SEMG1: variants seen among roughly 807,000 people sequenced by gnomAD.
SEMG1 encodes semenogelin-1.
A neutral mutation model predicts 8.8 loss-of-function variants in SEMG1; 6 were observed. The ratio of observed to expected loss-of-function variants is 0.68; its 90% CI spans 0.37 to 1.35. SEMG1 has a LOEUF of 1.35. Among genes scored for constraint, SEMG1 ranks in the 40% most tolerant of loss-of-function variants. The probability of loss-of-function intolerance (pLI) is 0.02; values close to 1 mark genes in which losing one functional copy is unlikely to be tolerated. For missense variants in SEMG1, 580 were observed against 533.6 expected (o/e 1.09, Z -0.86); for synonymous variants, 221 against 190.3 (o/e 1.16, Z -1.33).
In SEMG1 at chr20:45,207,594, T is replaced by A. The variant is rs779761467; in HGVS notation, c.297T>A (p.His99Gln). Residue 99 changes from histidine to glutamine, a missense_variant, in exon 2 of 3, where the codon CAT (histidine) becomes CAA (glutamine). His to Gln is a conservative substitution (Grantham distance 24). Transcript: ENST00000372781. ...ATAAGACGACAAAATCACAACGACATCTAGGTGGAAGTCAACAACTGCTCC... is the reference window on the plus strand; with the variant it reads ...ATAAGACGACAAAATCACAACGACAACTAGGTGGAAGTCAACAACTGCTCC... ...ALHKTTKSQR[H>Q]LGGSQQLLHN... The A allele has an allele frequency of 1.2e-6, 2 of 1,613,486 alleles. No individual in the cohort carries two copies. Among genetic ancestry groups the A allele is most frequent in the Admixed American group, 3.3e-5 (2 of 59,952 alleles).
intron 1 of SEMG1, 81 bp from the exon 2 acceptor site, chr20:45,207,293 G>GTT (rs1983712367): frequency 6.9e-7 from 1 of 1,449,980 alleles, no homozygotes. Context: ...TCAATAATTT[G>GTT]TTGGGGGAAA....
Position 45,207,840 on chromosome 20 carries a change from A to T in SEMG1, c.543A>T (p.Ala181=), listed in dbSNP as rs61730003. The change falls in exon 2 of 3, where the codon GCA becomes GCT. Residue 181 remains alanine (A), a synonymous_variant. Coordinates refer to ENST00000372781, the MANE Select transcript of SEMG1 (RefSeq NM_003007.5). ...LSKEQTSVSG[A]QKGRKQGGSQ... is the part of the protein sequence containing the mutation. ...AAGAACAAACTTCCGTCTCTGGTGC[A>T]CAAAAAGGTAGAAAACAAGGCGGAT... 4.7e-4 allele frequency: 763 copies of T among 1,613,880 alleles called. 6 individuals are homozygous for T. The African/African-American group carries it at 9.2e-3, about 20-fold the overall frequency.
In SEMG1 at chr20:45,207,911, A is replaced by C; in HGVS notation, c.614A>C (p.Lys205Thr). 6.2e-7 allele frequency: 1 copy of C among 1,614,130 alleles called. No homozygotes were observed. The highest frequency in any genetic ancestry group is 8.5e-7 in the Non-Finnish European group (1 of 1,179,980). ...VLQTEELVAN[K>T]QQRETKNSHQ... ...CAAACTGAAGAGCTAGTAGCTAACA[A>C]ACAACAACGTGAGACTAAAAATTCT... Residue 205 changes from lysine to threonine, a missense_variant, in exon 2 of 3, where the codon AAA becomes ACA. Lys to Thr is a moderately conservative substitution (Grantham distance 78, BLOSUM62 -1). Transcript: ENST00000372781.
chr20:45,208,914 G>GCCT (rs1983781847), intron 2 of SEMG1, among the ~76,000 whole-genome samples, 184 bp downstream of exon 2: 1 of 152,128 alleles, frequency 6.6e-6, no homozygotes, highest in African/African-American at 2.4e-5. Context: ...TGGCACAGAA[G>GCCT]GATGTTTGGC....
rs766396195 is a variant in SEMG1, at chr20:45,207,558, G to C, written c.261G>C (p.Leu87Phe). Residue 87 changes from leucine to phenylalanine, a missense_variant, in exon 2 of 3, where the codon TTG becomes TTC. Coordinates refer to ENST00000372781, the MANE Select transcript of SEMG1 (RefSeq NM_003007.5). ...CCCGAAAAAGTCAGCAATATGATTTGAATGCCCTACATAAGACGACAAAAT... is the reference window on the plus strand; with the variant it reads ...CCCGAAAAAGTCAGCAATATGATTTCAATGCCCTACATAAGACGACAAAAT... ...DQSRKSQQYD[L>F]NALHKTTKSQ... The C allele has an allele frequency of 1.9e-6, 3 of 1,613,800 alleles. No individual in the cohort carries two copies. Among genetic ancestry groups the C allele is most frequent in the Admixed American group, 1.7e-5 (1 of 59,988 alleles).
chr20:45,207,695 G>A lies in SEMG1; in HGVS notation c.398G>A (p.Gly133Asp), dbSNP rs538667442. Residue 133 changes from glycine to aspartate, a missense_variant, in exon 2 of 3, where the codon GGC becomes GAC. Physicochemically the swap from Gly to Asp is moderately conservative, Grantham distance 94. Transcript: ENST00000372781. The part of the protein sequence containing the change: ...FHRVVIHHKG[G>D]KAHRGTQNPS... ...AGGGTAGTTATACACCATAAAGGAG[G>A]CAAAGCTCATCGTGGGACACAAAAT... 178 of 1,613,954 alleles carry A rather than the reference G, an allele frequency of 1.1e-4. No homozygotes were observed. In the South Asian group the frequency reaches 1.6e-3, roughly 15 times the overall value.
chr20:45,208,522 C>T lies in SEMG1; in HGVS notation c.1225C>T (p.Gln409Ter), dbSNP rs779113549. Residue 409 changes from glutamine to a stop codon, truncating the protein, a stop_gained, in exon 2 of 3, where the codon CAA becomes TAA. Coordinates refer to ENST00000372781, the MANE Select transcript of SEMG1 (RefSeq NM_003007.5). LOFTEE classifies it low-confidence loss of function (END_TRUNC). ...HGENAKGESG[Q>*]STNREQDLLS... ...TGAAAATGCAAAAGGAGAGTCTGGC[C>T]AATCTACAAATAGAGAACAAGACCT... The T allele has an allele frequency of 3.1e-6, 5 of 1,613,986 alleles. No individual in the cohort carries two copies. The highest frequency in any genetic ancestry group is 4.2e-6 in the Non-Finnish European group (5 of 1,179,936).
chr20:45,207,208 C>T lies in SEMG1; in HGVS notation c.76+79C>T. ...AGATTATTTGGGGTGCAAACAGTAA[C>T]CTGTTTAGGCACAGATTCTTCTCTT... is the stretch of plus-strand genomic sequence containing the variant. On this transcript the variant is annotated intron_variant, in intron 1 of 2. Transcript: ENST00000372781. 1.1e-5 allele frequency: 17 copies of T among 1,568,090 alleles called. No homozygotes were observed. In the South Asian group the frequency reaches 1.5e-4, roughly 13 times the overall value.
Position 45,207,364 on chromosome 20 carries a change from C to T in SEMG1, c.77-10C>T. The T allele has an allele frequency of 1.3e-6, 2 of 1,593,018 alleles. No homozygotes were observed. The highest frequency in any genetic ancestry group is 1.7e-6 in the Non-Finnish European group (2 of 1,167,404). Reference sequence around the variant, plus strand: ...TAATGAATGCATACCTTCTTATTATCAATTACCAGGTGGATCAAAAGGCCG... The same window carrying T: ...TAATGAATGCATACCTTCTTATTATTAATTACCAGGTGGATCAAAAGGCCG... On this transcript the variant is annotated splice_polypyrimidine_tract_variant and intron_variant, in intron 1 of 2. Coordinates refer to ENST00000372781, the MANE Select transcript of SEMG1 (RefSeq NM_003007.5).
chr20:45,208,713 G>A lies in SEMG1; in HGVS notation c.*27G>A. The A allele has an allele frequency of 6.7e-7, 1 of 1,500,260 alleles. No homozygotes were observed. The highest frequency in any genetic ancestry group is 1.2e-5 in the South Asian group (1 of 80,504). 92.9% of individuals were successfully genotyped at this position (1,500,260 alleles called of 1,614,324 possible). A position where few individuals can be genotyped will look rare whatever the true frequency, so the allele number is the denominator to read the frequency against. On this transcript the variant is annotated 3_prime_UTR_variant, in exon 2 of 3. Coordinates refer to ENST00000372781, the MANE Select transcript of SEMG1 (RefSeq NM_003007.5). ...CCTACCATTCGGTAACCATGTGAAA[G>A]GATGGACCAATATCAAGGTAATTTT...
rs755227054 is a variant in SEMG1 at position 45,207,933 on chromosome 20, T to C, written c.636T>C (p.Asn212=). 4.3e-6 allele frequency: 7 copies of C among 1,613,832 alleles called. No homozygotes were observed. In the African/African-American group the frequency reaches 9.4e-5, roughly 22 times the overall value. Residue 212 remains asparagine, a synonymous_variant, in exon 2 of 3, where the codon AAT becomes AAC. Coordinates refer to ENST00000372781, the MANE Select transcript of SEMG1 (RefSeq NM_003007.5). ...ACAAACAACAACGTGAGACTAAAAA[T>C]TCTCATCAAAATAAAGGGCATTACC... The part of the protein sequence containing the change: ...VANKQQRETK[N]SHQNKGHYQN...
chr20:45,208,469 C>A lies in SEMG1; in HGVS notation c.1172C>A (p.Pro391Gln). Residue 391 changes from proline to glutamine, a missense_variant, in exon 2 of 3, where the codon CCA becomes CAA. Transcript: ENST00000372781. ...LVAGKSQIQA[P>Q]NPKQEPWHGE... ...GCAGGCAAGTCTCAAATCCAGGCAC[C>A]AAATCCTAAGCAAGAGCCATGGCAT... The A allele has an allele frequency of 6.2e-7, 1 of 1,613,922 alleles. No homozygotes were observed. The highest frequency in any genetic ancestry group is 8.5e-7 in the Non-Finnish European group (1 of 1,179,954).
Position 45,207,441 on chromosome 20 carries a change from T to C in SEMG1, c.144T>C (p.Tyr48=), listed in dbSNP as rs747335170. The change falls in exon 2 of 3, where the codon TAT becomes TAC. Residue 48 remains tyrosine, a synonymous_variant. Transcript: ENST00000372781. ...QFPHGQKGQH[Y]SGQKGKQQTE... The stretch of plus-strand genomic sequence containing the variant: ...CACACGGACAAAAGGGCCAGCACTA[T>C]TCTGGACAAAAAGGCAAGCAACAAA... 1 of 1,613,842 alleles carries C rather than the reference T, an allele frequency of 6.2e-7. No homozygotes were observed. Among genetic ancestry groups the C allele is most frequent in the Non-Finnish European group, 8.5e-7 (1 of 1,179,876 alleles).
Position 45,208,013 on chromosome 20 carries a change from G to A in SEMG1, c.716G>A (p.Cys239Tyr). The A allele has an allele frequency of 1.9e-6, 3 of 1,614,036 alleles. No individual in the cohort carries two copies. Among genetic ancestry groups the A allele is most frequent in the Non-Finnish European group, 2.5e-6 (3 of 1,179,982 alleles). The change falls in exon 2 of 3, where the codon TGT becomes TAT. Residue 239 changes from cysteine to tyrosine, a missense_variant. Transcript: ENST00000372781. Reference protein sequence around the residue: ...EHSSKVQTSLCPAHQDKLQHG... With the variant: ...EHSSKVQTSLYPAHQDKLQHG... ...TCAAGTAAAGTACAAACCTCACTCT[G>A]TCCTGCGCACCAAGACAAACTCCAA...
Position 45,208,519 on chromosome 20 carries a change from G to A in SEMG1, c.1222G>A (p.Gly408Ser). 1 of 1,613,976 alleles carries A rather than the reference G, an allele frequency of 6.2e-7. No homozygotes were observed. The change falls in exon 2 of 3, where the codon GGC (glycine) becomes AGC (serine). Residue 408 changes from glycine to serine, a missense_variant. Coordinates refer to ENST00000372781, the MANE Select transcript of SEMG1 (RefSeq NM_003007.5). Reference sequence around the variant, plus strand: ...TGGTGAAAATGCAAAAGGAGAGTCTGGCCAATCTACAAATAGAGAACAAGA... The same window carrying A: ...TGGTGAAAATGCAAAAGGAGAGTCTAGCCAATCTACAAATAGAGAACAAGA... ...WHGENAKGESGQSTNREQDLL... is the reference protein window; with the variant it reads ...WHGENAKGESSQSTNREQDLL...
chr20:45,207,277 G>C, intron 1 of SEMG1, 97 bp from the exon 2 acceptor site: 2 of 1,458,386 alleles, frequency 1.4e-6, no homozygotes, highest in Non-Finnish European at 9.3e-7. Context: ...AGCTTTTCTA[G>C]AAATATCAAT....
chr20:45,207,916 C>T lies in SEMG1; in HGVS notation c.619C>T (p.Gln207Ter). ...QTEELVANKQ[Q>*]RETKNSHQNK... ...TGAAGAGCTAGTAGCTAACAAACAACAACGTGAGACTAAAAATTCTCATCA... is the reference window on the plus strand; with the variant it reads ...TGAAGAGCTAGTAGCTAACAAACAATAACGTGAGACTAAAAATTCTCATCA... Residue 207 changes from glutamine to a stop codon, truncating the protein, a stop_gained, in exon 2 of 3, where the codon CAA (glutamine) becomes TAA (stop). Transcript: ENST00000372781. LOFTEE classifies it low-confidence loss of function (END_TRUNC). 6.2e-7 allele frequency: 1 copy of T among 1,614,028 alleles called. No individual in the cohort carries two copies. Among genetic ancestry groups the T allele is most frequent in the Admixed American group, 1.7e-5 (1 of 60,006 alleles).
In SEMG1 at chr20:45,207,604, A is replaced by C; in HGVS notation, c.307A>C (p.Ser103Arg). ...AAAATCACAACGACATCTAGGTGGAAGTCAACAACTGCTCCATAATAAACA... is the reference window on the plus strand; with the variant it reads ...AAAATCACAACGACATCTAGGTGGACGTCAACAACTGCTCCATAATAAACA... Reference protein sequence around the residue: ...TTKSQRHLGGSQQLLHNKQEG... With the variant: ...TTKSQRHLGGRQQLLHNKQEG... Residue 103 changes from serine (S) to arginine (R), a missense_variant, in exon 2 of 3, where the codon AGT (serine) becomes CGT (arginine). Ser to Arg is a moderately radical substitution (Grantham distance 110, BLOSUM62 -1). Coordinates refer to ENST00000372781, the MANE Select transcript of SEMG1 (RefSeq NM_003007.5). The C allele has an allele frequency of 6.2e-7, 1 of 1,613,678 alleles. No individual in the cohort carries two copies. The highest frequency in any genetic ancestry group is 8.5e-7 in the Non-Finnish European group (1 of 1,179,798).
In SEMG1 at chr20:45,207,222, G is replaced by A. The variant is rs1983710983; in HGVS notation, c.76+93G>A. On this transcript the variant is annotated intron_variant, in intron 1 of 2. Coordinates refer to ENST00000372781, the MANE Select transcript of SEMG1 (RefSeq NM_003007.5). ...GCAAACAGTAACCTGTTTAGGCACA[G>A]ATTCTTCTCTTTGAAGAGAATTGAT... The A allele has an allele frequency of 3.2e-6, 5 of 1,538,510 alleles. No homozygotes were observed. The South Asian group carries it at 5.9e-5, about 18-fold the overall frequency.
Sources: allele counts gnomAD v4.1 joint callset (sites outside exome capture counted in the v4.1 genomes callset), GRCh38; gene constraint gnomAD v4.1.1; transcripts MANE v1.5; gene names NCBI Gene and HGNC (gene_info 2026-07-23, HGNC 2026-07-21).